TBC1D4: variants seen among roughly 807,000 people sequenced by gnomAD.
The protein encoded by TBC1D4 is TBC (Tre-2, BUB2, CDC16) domain-containing protein.
A neutral mutation model predicts 142.5 loss-of-function variants in TBC1D4; 121 were observed. The ratio of observed to expected loss-of-function variants is 0.85; its 90% CI spans 0.73 to 0.99. The LOEUF (loss-of-function observed/expected upper bound fraction) is 0.99, where lower values mean the gene tolerates loss of function less well. TBC1D4 is among the 50% of genes least tolerant of loss of function. The pLI is 0.00. For synonymous variants in TBC1D4, 630 were observed against 628.2 expected, an observed-to-expected ratio of 1.00 and a Z score of -0.04; for missense variants, 1,475 against 1,606.6, an observed-to-expected ratio of 0.92 and a Z score of 1.40.
rs575439479 is a variant in TBC1D4, at chr13:75,395,470, G to A, written c.499-32863C>T. ...CAAAGGCTATTTATAAAGATTCCTG[G>A]TATTTCTCTATGAGTTGCTGGAAAC... On this transcript the variant is annotated intron_variant, in intron 1 of 20. Coordinates refer to ENST00000377636, the MANE Select transcript of TBC1D4 (RefSeq NM_014832.5). Among the ~76,000 whole-genome samples the A allele has an allele frequency of 2.0e-3, 311 of 152,206 alleles. 1 individual carries two copies. Among genetic ancestry groups the A allele is most frequent in the African/African-American group, 7.3e-3 (304 of 41,508 alleles).
At chr13:75,323,762 C>G (rs1194849850) in intron 11 of TBC1D4, among the ~76,000 whole-genome samples, 1 of 151,916 alleles carries the variant, frequency 6.6e-6, no homozygotes, top group Non-Finnish European at 1.5e-5. Flanking sequence ...ATTGAAAAAT[C>G]AAAGAAATGC....
At position 75,481,388 on chromosome 13, in the gene TBC1D4, G is replaced by T. The variant is rs776239804; in HGVS notation, c.380C>A (p.Ser127Ter). 1.2e-6 allele frequency: 2 copies of T among 1,613,936 alleles called. No individual in the cohort carries two copies. The highest frequency in any genetic ancestry group is 2.2e-5 in the South Asian group (2 of 91,084). The change falls in exon 1 of 21, where the codon TCG (serine) becomes TAG (stop). Residue 127 changes from serine (S) to a stop codon, truncating the protein, a stop_gained. Coordinates refer to ENST00000377636, the MANE Select transcript of TBC1D4 (RefSeq NM_014832.5). LOFTEE classifies it high-confidence loss of function. Reference sequence around the variant, plus strand: ...GTCGTGGCTGTTGTGGATGAAGCGCGAGATATGCTGCGCCTTGTGCTCGAA... The same window carrying T: ...GTCGTGGCTGTTGTGGATGAAGCGCTAGATATGCTGCGCCTTGTGCTCGAA... ...FIFEHKAQHI[S>*]RFIHNSHDLT...
rs1180751677 is a variant in TBC1D4 at position 75,481,558 on chromosome 13, C to T, written c.210G>A (p.Glu70=). ...AEIRRRSQKP[E]AGGCGAPAAR... is the part of the protein sequence containing the mutation. ...CCGCCGGCGCCCCGCAGCCGCCCGC[C>T]TCGGGCTTCTGGCTGCGCCTGCGGA... The change falls in exon 1 of 21, where the codon GAG becomes GAA. Residue 70 remains glutamate, a synonymous_variant. Transcript: ENST00000377636. 6.3e-7 allele frequency: 1 copy of T among 1,597,808 alleles called. No individual in the cohort carries two copies. The highest frequency in any genetic ancestry group is 8.5e-7 in the Non-Finnish European group (1 of 1,172,260).
chr13:75,341,143 G>A lies in TBC1D4; in HGVS notation c.1593C>T (p.His531=), dbSNP rs966658349. 2 of 1,613,188 alleles carry A rather than the reference G, an allele frequency of 1.2e-6. No individual in the cohort carries two copies. Among genetic ancestry groups the A allele is most frequent in the Non-Finnish European group, 1.7e-6 (2 of 1,179,782 alleles). The change falls in exon 7 of 21, where the codon CAC becomes CAT. Residue 531 remains histidine, a synonymous_variant. Transcript: ENST00000377636. ...TTCTCACAGAAGGGCCTTCCCCGAT[G>A]TGCACGTGTGTCTTCTGCTTGGCTT... is the stretch of plus-strand genomic sequence containing the variant. ...LCEAKQKTHV[H]IGEGPSTISN... is the part of the protein sequence containing the mutation.
At chr13:75,393,881 C>A (rs1269817290) in intron 1 of TBC1D4, among the ~76,000 whole-genome samples, 2 of 149,708 alleles carry the variant, frequency 1.3e-5, no homozygotes, top group Admixed American at 1.3e-4. Context: ...GAGCAGAGAT[C>A]GTGCCATTGC....
rs192122548 is a variant in TBC1D4, at chr13:75,427,092, A to T, written c.498+54178T>A. 4.5e-3 allele frequency among the ~76,000 whole-genome samples: 644 copies of T among 142,720 alleles called. 19 individuals are homozygous for T. In the East Asian group the frequency reaches 0.072, roughly 16 times the overall value. The allele number at this position is 142,720 out of a possible 152,430, so 93.6% of individuals were successfully genotyped here. A position where few individuals can be genotyped will look rare whatever the true frequency, so the allele number is the denominator to read the frequency against. ...GAATGAATACCTTCAAAATATAAAC[A>T]TTTTTTTTTTTTTTGAGACGGAGTC... is the stretch of plus-strand genomic sequence containing the variant. On this transcript the variant is annotated intron_variant, in intron 1 of 20. Transcript: ENST00000377636.
intron 1 of TBC1D4, among the ~76,000 whole-genome samples, chr13:75,391,162 T>A (rs1042312885): frequency 7.1e-6 from 1 of 141,428 alleles, no homozygotes; most frequent in Non-Finnish European, 1.5e-5. Context: ...CAACATCAGT[T>A]TTTCCTTCTC....
chr13:75,451,633 T>G (rs4394965), intron 1 of TBC1D4, among the ~76,000 whole-genome samples: 1 of 150,182 alleles, frequency 6.7e-6, no homozygotes, highest in African/African-American at 2.4e-5. Context: ...TGAGCTATGA[T>G]TGCACCACTG....
intron 1 of TBC1D4, among the ~76,000 whole-genome samples, chr13:75,395,487 G>T (rs1443363695): frequency 6.6e-6 from 1 of 152,160 alleles, no homozygotes; most frequent in Non-Finnish European, 1.5e-5. Flanking sequence ...TCTATGAGTT[G>T]CTGGAAACAG....
intron 1 of TBC1D4, among the ~76,000 whole-genome samples, chr13:75,399,608 G>A (rs1443067594): frequency 2.0e-5 from 3 of 152,212 alleles, no homozygotes; most frequent in African/African-American, 7.2e-5. Flanking sequence ...ATAATGAGCT[G>A]AGACTGCTGG....
chr13:75,455,418 TA>T (rs1011670015), intron 1 of TBC1D4, among the ~76,000 whole-genome samples: 32 of 151,062 alleles, frequency 2.1e-4, no homozygotes, highest in East Asian at 1.4e-3. Flanking sequence ...AATTGGAGTT[TA>T]AAAAAAAAGT....
intron 1 of TBC1D4, among the ~76,000 whole-genome samples, chr13:75,480,318 C>T (rs1888784653): frequency 1.3e-5 from 2 of 152,124 alleles, no homozygotes; most frequent in Non-Finnish European, 2.9e-5. Flanking sequence ...AAGTACTGTG[C>T]AAACAGTAAA....
At chr13:75,409,910 T>G (rs185505828) in intron 1 of TBC1D4, among the ~76,000 whole-genome samples, 1 of 152,302 alleles carries the variant, frequency 6.6e-6, no homozygotes, top group Admixed American at 6.5e-5. Context: ...GGAAATGAAT[T>G]CGAATCCAAA....
At chr13:75,325,905 G>A (rs1048310818) in intron 10 of TBC1D4, among the ~76,000 whole-genome samples, 3 of 152,130 alleles carry the variant, frequency 2.0e-5, no homozygotes, top group Admixed American at 6.5e-5. Context: ...ACTGCGTAAC[G>A]TGTTATCAGC....
chr13:75,460,870 C>T (rs1287259418), intron 1 of TBC1D4, among the ~76,000 whole-genome samples: 6 of 152,156 alleles, frequency 3.9e-5, no homozygotes, highest in Middle Eastern at 3.4e-3. Flanking sequence ...CTGCAGTGAG[C>T]CAACTTCACG....
At chr13:75,307,000 TCA>T (rs1877249442) in intron 14 of TBC1D4, among the ~76,000 whole-genome samples, 2 of 152,236 alleles carry the variant, frequency 1.3e-5, no homozygotes, top group South Asian at 4.1e-4. Context: ...AGACAGGGTC[TCA>T]CTCTGTACCC....
chr13:75,395,655 AC>A (rs57785009), intron 1 of TBC1D4, among the ~76,000 whole-genome samples: 1 of 151,944 alleles, frequency 6.6e-6, no homozygotes, highest in East Asian at 1.9e-4. Context: ...ACATGGAGAA[AC>A]CCTATCTCTA....
At chr13:75,454,737 T>G (rs1019100140) in intron 1 of TBC1D4, among the ~76,000 whole-genome samples, 1 of 152,184 alleles carries the variant, frequency 6.6e-6, no homozygotes, top group Non-Finnish European at 1.5e-5. Flanking sequence ...CTGGAGATAC[T>G]AACAAGCAAG....
At chr13:75,416,827 G>A (rs1191183291) in intron 1 of TBC1D4, among the ~76,000 whole-genome samples, 1 of 152,198 alleles carries the variant, frequency 6.6e-6, no homozygotes, top group Admixed American at 6.5e-5. Context: ...GCAGCTGTGA[G>A]GCACAAGGGC....
Sources: gnomAD v4.1 joint callset for allele counts (sites outside exome capture counted in the v4.1 genomes callset) on GRCh38, gnomAD v4.1.1 for gene constraint, MANE v1.5 for transcripts, NCBI Gene and HGNC (gene_info 2026-07-23, HGNC 2026-07-21) for gene names.